Variants in DPF3 observed in about 807,000 individuals in gnomAD.
DPF3 encodes the protein double PHD fingers 3.
DPF3 carries 18 observed loss-of-function variants against 56.8 expected under a neutral mutation model. The observed-to-expected ratio is 0.32, with a 90% CI of 0.22 to 0.47. The LOEUF (loss-of-function observed/expected upper bound fraction) is 0.47. Ranked by LOEUF, DPF3 falls within the 20% of genes least tolerant of loss-of-function variation. The pLI, the probability that DPF3 is intolerant of heterozygous loss-of-function variation, is 1.00. For missense variants in DPF3, 403 were observed against 488.8 expected (o/e 0.82, Z 1.65); for synonymous variants, 188 against 180.2 (o/e 1.04, Z -0.35).
At chr14:72,864,841 C>A (rs908105923) in intron 1 of DPF3, among the ~76,000 whole-genome samples, 2 of 152,190 alleles carry the variant, frequency 1.3e-5, no homozygotes, top group African/African-American at 4.8e-5. Context: ...GAAGCTCCTG[C>A]CAGTGTCCCC....
At chr14:72,621,835 T>C (rs1252847754) in intron 9 of DPF3, among the ~76,000 whole-genome samples, 2 of 152,278 alleles carry the variant, frequency 1.3e-5, no homozygotes, top group Admixed American at 6.5e-5. Context: ...GCCGTCTGGG[T>C]TGTGGCTTGG....
intron 8 of DPF3, among the ~76,000 whole-genome samples, chr14:72,658,193 C>T (rs1340549852): frequency 6.6e-6 from 1 of 152,046 alleles, no homozygotes; most frequent in African/African-American, 2.4e-5. Flanking sequence ...GCTTAAGGGG[C>T]CGGATACCCC....
chr14:72,625,294 G>C (rs1473388069), intron 9 of DPF3, among the ~76,000 whole-genome samples: 1 of 151,950 alleles, frequency 6.6e-6, no homozygotes, highest in East Asian at 1.9e-4. Flanking sequence ...TTTTATATTA[G>C]TATAGATATT....
intron 2 of DPF3, among the ~76,000 whole-genome samples, chr14:72,768,902 T>C (rs1891396642): frequency 6.6e-6 from 1 of 151,290 alleles, no homozygotes; most frequent in Non-Finnish European, 1.5e-5. Flanking sequence ...TTAATAGTCA[T>C]ATTGTTTGTT....
intron 1 of DPF3, among the ~76,000 whole-genome samples, chr14:72,789,917 A>G (rs999846945): frequency 6.6e-6 from 1 of 152,104 alleles, no homozygotes; most frequent in Non-Finnish European, 1.5e-5. Flanking sequence ...TCTGGCACTC[A>G]TTCTTTTTCC....
At chr14:72,680,588 G>A (rs1310886949) in intron 7 of DPF3, among the ~76,000 whole-genome samples, 1 of 152,258 alleles carries the variant, frequency 6.6e-6, no homozygotes, top group African/African-American at 2.4e-5. Flanking sequence ...AGGGGACTAC[G>A]CTGGAGCGGA....
chr14:72,866,268 G>T (rs577030997), intron 1 of DPF3, among the ~76,000 whole-genome samples: 6 of 137,596 alleles, frequency 4.4e-5, no homozygotes, highest in Admixed American at 1.4e-4. Flanking sequence ...CAGCCTCCAC[G>T]CACAAGCCAT....
intron 1 of DPF3, among the ~76,000 whole-genome samples, chr14:72,784,541 C>T (rs1242800899): frequency 6.6e-6 from 1 of 152,140 alleles, no homozygotes; most frequent in Non-Finnish European, 1.5e-5. Flanking sequence ...TCCCAGGTTC[C>T]CATTCTCCCT....
At chr14:72,690,089 AG>A (rs1887609269) in intron 7 of DPF3, among the ~76,000 whole-genome samples, 1 of 152,134 alleles carries the variant, frequency 6.6e-6, no homozygotes, top group Non-Finnish European at 1.5e-5. Context: ...GAAAAAGGGG[AG>A]GGGGAGTTGG....
chr14:72,746,620 G>A (rs1299505505), intron 3 of DPF3, among the ~76,000 whole-genome samples: 1 of 152,230 alleles, frequency 6.6e-6, no homozygotes, highest in Non-Finnish European at 1.5e-5. Flanking sequence ...GGGCTGGTGT[G>A]GAGGAATAAG....
intron 1 of DPF3, among the ~76,000 whole-genome samples, chr14:72,856,174 T>C (rs994394173): frequency 3.9e-5 from 6 of 152,200 alleles, no homozygotes; most frequent in Admixed American, 3.3e-4. Flanking sequence ...TCTATGGTTC[T>C]TTCCACCCCA....
rs932526167 is a variant in DPF3 at position 72,613,748 on chromosome 14, G to A, written c.*5549C>T. ...CCCATGGTACGGAACTGGCAAGCCC[G>A]GACCCCTCCTCCTCAGAGTTTCCTG... On this transcript the variant is annotated 3_prime_UTR_variant, in exon 11 of 11. Coordinates refer to ENST00000556509, the MANE Select transcript of DPF3 (RefSeq NM_001280542.3). Among the ~76,000 whole-genome samples the A allele has an allele frequency of 7.9e-5, 12 of 152,256 alleles. No individual in the cohort carries two copies. The highest frequency in any genetic ancestry group is 2.2e-4 in the African/African-American group (9 of 41,546).
intron 6 of DPF3, among the ~76,000 whole-genome samples, chr14:72,709,920 G>A (rs1888580888): frequency 1.3e-5 from 2 of 152,144 alleles, no homozygotes; most frequent in African/African-American, 4.8e-5. Context: ...ACACTTCGAG[G>A]AAAAAAGAAA....
chr14:72,878,330 C>G (rs1194846736), intron 1 of DPF3, among the ~76,000 whole-genome samples: 3 of 152,292 alleles, frequency 2.0e-5, no homozygotes, highest in Middle Eastern at 3.4e-3. Flanking sequence ...CTAGGCCATC[C>G]TTTTTGAAGG....
intron 1 of DPF3, among the ~76,000 whole-genome samples, chr14:72,784,726 A>G (rs1892138571): frequency 6.6e-6 from 1 of 152,170 alleles, no homozygotes; most frequent in South Asian, 2.1e-4. Context: ...TGGGAGGCCA[A>G]GGTGGGAAGA....
At chr14:72,680,670 C>G (rs1250659434) in intron 7 of DPF3, among the ~76,000 whole-genome samples, 1 of 152,252 alleles carries the variant, frequency 6.6e-6, no homozygotes, top group African/African-American at 2.4e-5. Flanking sequence ...TAAACTGTCA[C>G]ACTCCGCACC....
intron 9 of DPF3, among the ~76,000 whole-genome samples, chr14:72,623,281 C>T (rs965794665): frequency 6.6e-6 from 1 of 151,936 alleles, no homozygotes; most frequent in Non-Finnish European, 1.5e-5. Context: ...ATATTTTACA[C>T]AGTCATAAAA....
intron 2 of DPF3, among the ~76,000 whole-genome samples, chr14:72,767,449 C>A (rs1231338567): frequency 4.6e-5 from 7 of 151,826 alleles, no homozygotes; most frequent in African/African-American, 1.7e-4. Flanking sequence ...ATATGAAGAA[C>A]CAAATAGAAA....
At chr14:72,774,726 G>A (rs1891683839) in intron 1 of DPF3, among the ~76,000 whole-genome samples, 1 of 152,146 alleles carries the variant, frequency 6.6e-6, no homozygotes, top group African/African-American at 2.4e-5. Context: ...AAAGTGTCCT[G>A]GCAGTTGCAA....
Sources: gnomAD v4.1 joint callset for allele counts (sites outside exome capture counted in the v4.1 genomes callset) on GRCh38, gnomAD v4.1.1 for gene constraint, MANE v1.5 for transcripts, NCBI Gene and HGNC (gene_info 2026-07-23, HGNC 2026-07-21) for gene names.